The following SCAF8 variants were observed in gnomAD, a reference collection of about 807,000 sequenced individuals.
The protein encoded by SCAF8 is SR-related and CTD-associated factor 8.
In SCAF8, 23 loss-of-function variants were observed where a neutral mutation model predicts 140.5. That is an observed-to-expected ratio of 0.16 (90% CI 0.12 to 0.23). The LOEUF (loss-of-function observed/expected upper bound fraction) is 0.23, where lower values mean the gene tolerates loss of function less well. Ranked by LOEUF, SCAF8 falls within the 10% of genes least tolerant of loss-of-function variation. The pLI is 1.00. For synonymous variants in SCAF8, 575 were observed against 528.9 expected, an observed-to-expected ratio of 1.09 and a Z score of -1.20; for missense variants, 1,397 against 1,555.7, an observed-to-expected ratio of 0.90 and a Z score of 1.72.
chr6:154,826,207 G>A (rs1778563157), intron 17 of SCAF8, among the ~76,000 whole-genome samples: 1 of 151,952 alleles, frequency 6.6e-6, no homozygotes, highest in Admixed American at 6.5e-5. Context: ...TTAATTTTCT[G>A]TATTTGTGAT....
intron 1 of SCAF8, among the ~76,000 whole-genome samples, chr6:154,752,599 G>A (rs1193357921): frequency 6.6e-6 from 1 of 151,906 alleles, no homozygotes; most frequent in Non-Finnish European, 1.5e-5. Context: ...TTTAATAGTG[G>A]GTAAAAGTTA....
chr6:154,742,551 C>T (rs1778597582), intron 1 of SCAF8, among the ~76,000 whole-genome samples: 1 of 152,144 alleles, frequency 6.6e-6, no homozygotes, highest in Non-Finnish European at 1.5e-5. Context: ...TAAATGGATT[C>T]TGTCTCATAT....
intron 17 of SCAF8, among the ~76,000 whole-genome samples, chr6:154,824,616 AC>A (rs1778510803): frequency 1.3e-5 from 2 of 152,282 alleles, no homozygotes; most frequent in African/African-American, 4.8e-5. Flanking sequence ...GAGAAGCAGC[AC>A]TGACAGAGAA....
chr6:154,824,539 T>C (rs972002872), intron 17 of SCAF8, among the ~76,000 whole-genome samples, 161 bp downstream of exon 17: 1 of 152,240 alleles, frequency 6.6e-6, no homozygotes, highest in African/African-American at 2.4e-5. Context: ...GTTTTTGCTT[T>C]ACTCAGTCTG....
chr6:154,831,886 T>C (rs1312040509), intron 19 of SCAF8, 53 bp from the exon 20 acceptor site: 2 of 1,476,124 alleles, frequency 1.4e-6, no homozygotes, highest in Non-Finnish European at 1.8e-6. Context: ...GCTAAAATTA[T>C]TGGAAACTTT....
chr6:154,778,678 T>C (rs1776986015), intron 3 of SCAF8, among the ~76,000 whole-genome samples: 3 of 151,894 alleles, frequency 2.0e-5, no homozygotes, highest in Admixed American at 2.0e-4. Flanking sequence ...GCACAAGAAT[T>C]GCTTGAACCC....
intron 5 of SCAF8, among the ~76,000 whole-genome samples, chr6:154,794,779 GGGTGTGTGTGTGT>G (rs1777544374): frequency 3.8e-5 from 1 of 26,350 alleles, no homozygotes; most frequent in Non-Finnish European, 7.2e-5. Context: ...GGGGTGTGGG[GGGTGTGTGTGTGT>G]GTGTGTGTGT....
At chr6:154,815,616 AT>A (rs1778227579) in intron 12 of SCAF8, 99 bp from the exon 13 acceptor site, 1 of 475,648 alleles carries the variant, frequency 2.1e-6, no homozygotes, top group Admixed American at 3.3e-5. Context: ...ATTATCTTAA[AT>A]TTAATTATTA....
intron 1 of SCAF8, among the ~76,000 whole-genome samples, chr6:154,769,587 C>A (rs1452714908): frequency 6.6e-6 from 1 of 152,166 alleles, no homozygotes; most frequent in Non-Finnish European, 1.5e-5. Flanking sequence ...ATAGCTAACC[C>A]TTATTGAGCT....
intron 1 of SCAF8, among the ~76,000 whole-genome samples, chr6:154,736,578 T>C (rs1778428058): frequency 6.6e-6 from 1 of 152,152 alleles, no homozygotes; most frequent in Admixed American, 6.5e-5. Flanking sequence ...GGCCCATCCA[T>C]GACGTTTTAA....
chr6:154,815,447 G>A (rs1465970183), intron 12 of SCAF8, among the ~76,000 whole-genome samples: 4 of 152,112 alleles, frequency 2.6e-5, no homozygotes, highest in Non-Finnish European at 5.9e-5. Flanking sequence ...TCTTAGAATG[G>A]GACCCTGGCA....
intron 1 of SCAF8, among the ~76,000 whole-genome samples, chr6:154,753,063 T>G (rs1353879273): frequency 6.6e-6 from 1 of 152,092 alleles, no homozygotes; most frequent in Non-Finnish European, 1.5e-5. Context: ...GCATGGTGGC[T>G]CACTCCTGTA....
intron 6 of SCAF8, among the ~76,000 whole-genome samples, chr6:154,800,416 T>C (rs1777739831): frequency 6.6e-6 from 1 of 151,614 alleles, no homozygotes; most frequent in African/African-American, 2.4e-5. Context: ...AGATAGTCTG[T>C]GTAAGCTATT....
At chr6:154,816,527 C>T (rs185110675) in intron 13 of SCAF8, among the ~76,000 whole-genome samples, 1 of 150,934 alleles carries the variant, frequency 6.6e-6, no homozygotes, top group East Asian at 2.0e-4. Context: ...CTTTCTTCCT[C>T]CTGCTGTGTG....
At chr6:154,823,234 AAG>A (rs775455170) in intron 16 of SCAF8, among the ~76,000 whole-genome samples, 5 of 152,172 alleles carry the variant, frequency 3.3e-5, no homozygotes, top group Non-Finnish European at 5.9e-5. Flanking sequence ...ATGTGACAAA[AAG>A]AGAGAGAGAA....
intron 3 of SCAF8, among the ~76,000 whole-genome samples, chr6:154,779,944 A>T (rs1042147817): frequency 1.3e-5 from 2 of 152,178 alleles, no homozygotes; most frequent in Non-Finnish European, 2.9e-5. Flanking sequence ...AAATATTACA[A>T]TCAGGACATT....
chr6:154,770,594 T>C (rs1776729352), intron 1 of SCAF8, among the ~76,000 whole-genome samples: 1 of 151,868 alleles, frequency 6.6e-6, no homozygotes, highest in Non-Finnish European at 1.5e-5. Context: ...AAAAAAAAAA[T>C]TCTTAGAAAG....
Position 154,827,230 on chromosome 6 carries a change from A to G in SCAF8, c.2130A>G (p.Val710=). 6.2e-7 allele frequency: 1 copy of G among 1,601,082 alleles called. No homozygotes were observed. Among genetic ancestry groups the G allele is most frequent in the Admixed American group, 1.7e-5 (1 of 58,042 alleles). ...TGCCACCCCCTACGATTCCACCAGT[A>G]GTACCAACATGTAAGTTTTCTACTT... is the stretch of plus-strand genomic sequence containing the variant. ...PVVPPPTIPP[V]VPTSLVQPSL... The change falls in exon 18 of 20, where the codon GTA becomes GTG. Residue 710 remains valine (V), a synonymous_variant. Transcript: ENST00000367178.
At chr6:154,830,874 T>G (rs557550701) in intron 18 of SCAF8, 48 bp from the exon 19 acceptor site, 96 of 1,436,030 alleles carry the variant, frequency 6.7e-5, no homozygotes, top group Admixed American at 1.2e-4. Context: ...ACTTAGCACA[T>G]GAATTGACTC....
Sources: gnomAD v4.1 joint callset for allele counts (sites outside exome capture counted in the v4.1 genomes callset) on GRCh38, gnomAD v4.1.1 for gene constraint, MANE v1.5 for transcripts, NCBI Gene and HGNC (gene_info 2026-07-23, HGNC 2026-07-21) for gene names.